KIAA1217: variants seen among roughly 807,000 people sequenced by gnomAD.
KIAA1217 encodes the protein sickle tail protein homolog.
In KIAA1217, 88 loss-of-function variants were observed where a neutral mutation model predicts 163.9. That is an observed-to-expected ratio of 0.54 (90% CI 0.45 to 0.64). The LOEUF is 0.64. Ranked by LOEUF, KIAA1217 falls within the 30% of genes least tolerant of loss-of-function variation. KIAA1217 has a pLI of 0.00. For synonymous variants in KIAA1217, 903 were observed against 923.1 expected, an observed-to-expected ratio of 0.98 and a Z score of 0.39; for missense variants, 2,372 against 2,475.0, an observed-to-expected ratio of 0.96 and a Z score of 0.88.
chr10:23,962,069 A>G (rs1286949810), intron 1 of KIAA1217, among the ~76,000 whole-genome samples: 3 of 152,190 alleles, frequency 2.0e-5, no homozygotes, highest in African/African-American at 7.2e-5. Flanking sequence ...TAAACGTAAG[A>G]ATGTTGGGGG....
At chr10:23,874,042 T>C (rs1281245652) in intron 1 of KIAA1217, among the ~76,000 whole-genome samples, 1 of 152,060 alleles carries the variant, frequency 6.6e-6, no homozygotes, top group East Asian at 1.9e-4. Context: ...TTTGCTTACA[T>C]AGAAAGAATA....
intron 1 of KIAA1217, among the ~76,000 whole-genome samples, chr10:23,798,331 T>C (rs759655528): frequency 5.9e-5 from 9 of 152,154 alleles, no homozygotes; most frequent in Admixed American, 3.9e-4. Flanking sequence ...TTTGTAAAAA[T>C]GATCCCAGCA....
chr10:23,771,049 A>T (rs377260007), intron 1 of KIAA1217, among the ~76,000 whole-genome samples: 1 of 152,152 alleles, frequency 6.6e-6, no homozygotes, highest in African/African-American at 2.4e-5. Context: ...AGCTGTAAAG[A>T]AGTGTACTTT....
chr10:24,159,499 G>A (rs970058269), intron 2 of KIAA1217, among the ~76,000 whole-genome samples: 1 of 152,132 alleles, frequency 6.6e-6, no homozygotes, highest in African/African-American at 2.4e-5. Flanking sequence ...AGTTTTGAAG[G>A]CTGGGGGTGG....
At chr10:24,030,400 C>T (rs1043816549) in intron 2 of KIAA1217, among the ~76,000 whole-genome samples, 2 of 152,084 alleles carry the variant, frequency 1.3e-5, no homozygotes, top group Non-Finnish European at 1.5e-5. Flanking sequence ...ACGCTTCCCC[C>T]TTTGCTGCCT....
chr10:24,304,046 C>T (rs550136463), intron 2 of KIAA1217, among the ~76,000 whole-genome samples: 1 of 151,676 alleles, frequency 6.6e-6, no homozygotes, highest in Non-Finnish European at 1.5e-5. Context: ...TAGCATAAAT[C>T]AGCATTCTCT....
In KIAA1217 at chr10:23,697,481, G is replaced by T. The variant is rs145908294; in HGVS notation, c.-321+2247G>T. 6.0e-4 allele frequency among the ~76,000 whole-genome samples: 92 copies of T among 152,096 alleles called. 1 individual carries two copies. Among genetic ancestry groups the T allele is most frequent in the African/African-American group, 2.0e-3 (81 of 41,474 alleles). The stretch of plus-strand genomic sequence containing the variant: ...TACGGTAGAAGGTGATAAATTCCAA[G>T]GTGAGTAATAAGGATTCCATCCCCC... On this transcript the variant is annotated intron_variant, in intron 1 of 18. Transcript: ENST00000376462.
At chr10:23,900,412 G>A (rs184879194) in intron 1 of KIAA1217, among the ~76,000 whole-genome samples, 1 of 152,120 alleles carries the variant, frequency 6.6e-6, no homozygotes, top group East Asian at 1.9e-4. Flanking sequence ...TTGGATATTT[G>A]TGAGGGATTT....
chr10:23,877,051 T>C (rs974344050), intron 1 of KIAA1217, among the ~76,000 whole-genome samples: 7 of 152,000 alleles, frequency 4.6e-5, no homozygotes, highest in African/African-American at 1.4e-4. Context: ...GTGGTATTAG[T>C]GTGACAGGAT....
chr10:24,480,496 T>TG (rs1384546498), intron 6 of KIAA1217, among the ~76,000 whole-genome samples: 1 of 152,240 alleles, frequency 6.6e-6, no homozygotes, highest in Non-Finnish European at 1.5e-5. Context: ...TGCCAGCAGA[T>TG]GGGACCTTTG....
At chr10:24,322,543 A>C (rs2044312409) in intron 2 of KIAA1217, among the ~76,000 whole-genome samples, 1 of 152,196 alleles carries the variant, frequency 6.6e-6, no homozygotes, top group South Asian at 2.1e-4. Context: ...GAAATACCAG[A>C]CACTGTAAAT....
intron 2 of KIAA1217, among the ~76,000 whole-genome samples, chr10:24,375,255 C>G (rs909058461): frequency 6.6e-6 from 1 of 152,130 alleles, no homozygotes; most frequent in African/African-American, 2.4e-5. Flanking sequence ...CGATGGAGCT[C>G]CCTGTCTTCC....
rs564259921 is a variant in KIAA1217 at position 24,310,763 on chromosome 10, G to A, written c.355-70106G>A. ...TGTAATCCCAGCACTTTAGGTGGCC[G>A]AGGCACGTGGATCACTTGAGCCCAG... On this transcript the variant is annotated intron_variant, in intron 2 of 20. Transcript: ENST00000376454. 8.5e-5 allele frequency among the ~76,000 whole-genome samples: 13 copies of A among 152,224 alleles called. No individual in the cohort carries two copies. In the South Asian group the frequency reaches 2.7e-3, roughly 32 times the overall value.
chr10:23,904,109 A>G (rs1019049632), intron 1 of KIAA1217, among the ~76,000 whole-genome samples: 22 of 152,282 alleles, frequency 1.4e-4, no homozygotes, highest in African/African-American at 2.9e-4. Flanking sequence ...ATAAGTCTGC[A>G]GTTTGATGAT....
Position 24,524,435 on chromosome 10 carries a change from C to T in KIAA1217, c.2569C>T (p.His857Tyr), listed in dbSNP as rs773512977. Reference protein sequence around the residue: ...EVLKSQEEAAHTSGQPFHSTG... With the variant: ...EVLKSQEEAAYTSGQPFHSTG... ...CCTGAAGAGTCAGGAGGAGGCAGCC[C>T]ACACCTCCGGCCAGCCCTTCCACAG... The change falls in exon 13 of 21, where the codon CAC becomes TAC. Residue 857 changes from histidine to tyrosine, a missense_variant. Transcript: ENST00000376454. The T allele has an allele frequency of 2.5e-6, 4 of 1,614,214 alleles. No homozygotes were observed. Among genetic ancestry groups the T allele is most frequent in the Non-Finnish European group, 2.5e-6 (3 of 1,180,036 alleles).
chr10:24,339,845 C>A (rs532794616), intron 2 of KIAA1217, among the ~76,000 whole-genome samples: 1 of 152,212 alleles, frequency 6.6e-6, no homozygotes, highest in African/African-American at 2.4e-5. Flanking sequence ...TAGTGTCCCC[C>A]CAAAGCCAAT....
chr10:23,817,805 T>C (rs1837377357), intron 1 of KIAA1217, among the ~76,000 whole-genome samples: 1 of 151,138 alleles, frequency 6.6e-6, no homozygotes, highest in South Asian at 2.1e-4. Flanking sequence ...ATATGAAATA[T>C]AGGGCCAGAT....
intron 2 of KIAA1217, among the ~76,000 whole-genome samples, chr10:24,145,913 T>G (rs2064288678): frequency 6.6e-6 from 1 of 152,204 alleles, no homozygotes; most frequent in African/African-American, 2.4e-5. Context: ...GATGTGCCCA[T>G]CCAGATTGAG....
intron 3 of KIAA1217, among the ~76,000 whole-genome samples, chr10:24,427,304 C>T (rs1266283589): frequency 1.3e-5 from 2 of 151,798 alleles, no homozygotes; most frequent in Admixed American, 6.6e-5. Flanking sequence ...CTGAGCTGCA[C>T]CCAGCACGCT....
Sources: allele counts gnomAD v4.1 joint callset (sites outside exome capture counted in the v4.1 genomes callset), GRCh38; gene constraint gnomAD v4.1.1; transcripts MANE v1.5; gene names NCBI Gene and HGNC (gene_info 2026-07-23, HGNC 2026-07-21).